The following KCNH1 variants were observed in gnomAD, a reference collection of about 807,000 sequenced individuals.
KCNH1 encodes voltage-gated delayed rectifier potassium channel KCNH1.
Under a neutral mutation model 69.2 loss-of-function variants are expected in KCNH1, and 27 were observed. The observed-to-expected ratio is 0.39, with a 90% confidence interval of 0.29 to 0.54. The LOEUF is 0.54. Among genes scored for constraint, KCNH1 ranks in the 20% least tolerant of loss-of-function variants. The pLI, the probability that KCNH1 is intolerant of heterozygous loss-of-function variation, is 0.68. For synonymous variants in KCNH1, 456 were observed against 487.7 expected (o/e 0.93, Z 0.86); for missense variants, 798 against 1,261.6 (o/e 0.63, Z 5.57).
intron 7 of KCNH1, among the ~76,000 whole-genome samples, chr1:210,914,510 G>T (rs529629153): frequency 6.6e-6 from 1 of 152,114 alleles, no homozygotes; most frequent in Admixed American, 6.5e-5. Context: ...AAAAGATACT[G>T]CTGGGCTGCA....
chr1:210,960,276 G>C (rs1433048512), intron 6 of KCNH1, among the ~76,000 whole-genome samples: 1 of 151,988 alleles, frequency 6.6e-6, no homozygotes, highest in Non-Finnish European at 1.5e-5. Context: ...ATAAATTTTA[G>C]GTTTCCATTT....
chr1:210,683,875 C>T lies in KCNH1; in HGVS notation c.2376G>A (p.Glu792=), dbSNP rs775189127. Residue 792 remains glutamate (E), a synonymous_variant, in exon 11 of 11, where the codon GAG becomes GAA. Transcript: ENST00000271751. This position sits in a 1 kb window ranked among gnomAD's most constrained non-coding sequence, Gnocchi z 5.7. ...GGAAGGATACGGGCGTGGCAGGACT[C>T]TCACGCACGGTGACCACGCTGGCCT... The part of the protein sequence containing the change: ...LVKASVVTVR[E]SPATPVSFQA... 3.1e-6 allele frequency: 5 copies of T among 1,614,146 alleles called. No homozygotes were observed. The South Asian group carries it at 3.3e-5, about 11-fold the overall frequency.
chr1:210,703,030 T>G (rs1458825314), intron 10 of KCNH1, among the ~76,000 whole-genome samples: 1 of 152,146 alleles, frequency 6.6e-6, no homozygotes, highest in African/African-American at 2.4e-5. Flanking sequence ...GTGGCTAATC[T>G]CCCACATTTA....
intron 6 of KCNH1, among the ~76,000 whole-genome samples, chr1:210,966,024 A>C (rs1688393122): frequency 6.6e-6 from 1 of 152,236 alleles, no homozygotes; most frequent in South Asian, 2.1e-4. Flanking sequence ...TGGTACTGGT[A>C]CCAAAACAGA....
chr1:210,866,447 G>T (rs1295552063), intron 7 of KCNH1, among the ~76,000 whole-genome samples: 1 of 152,000 alleles, frequency 6.6e-6, no homozygotes, highest in Non-Finnish European at 1.5e-5. Flanking sequence ...TTAAAAATAG[G>T]CAAAGAATCT....
chr1:210,747,935 A>G (rs1323517072), intron 10 of KCNH1, among the ~76,000 whole-genome samples: 4 of 152,262 alleles, frequency 2.6e-5, no homozygotes, highest in Admixed American at 2.6e-4. Flanking sequence ...ATCCTTTGAC[A>G]GGGAACAAAT....
At chr1:210,965,014 T>C (rs1447341731) in intron 6 of KCNH1, among the ~76,000 whole-genome samples, 2 of 152,146 alleles carry the variant, frequency 1.3e-5, no homozygotes, top group African/African-American at 2.4e-5. Flanking sequence ...ATTATCTCAA[T>C]AGATGCAGAA....
chr1:211,064,335 T>C (rs1571618357), intron 5 of KCNH1, among the ~76,000 whole-genome samples: 1 of 152,090 alleles, frequency 6.6e-6, no homozygotes, highest in Non-Finnish European at 1.5e-5. Flanking sequence ...CCAAGGCGGG[T>C]GGATCACGAG....
intron 10 of KCNH1, among the ~76,000 whole-genome samples, chr1:210,714,087 A>G (rs540490455): frequency 6.6e-6 from 1 of 152,268 alleles, no homozygotes; most frequent in South Asian, 2.1e-4. Flanking sequence ...TGAAGAAGAG[A>G]AGAGGTCTTC....
At chr1:211,118,437 G>A (rs992584432) in intron 1 of KCNH1, among the ~76,000 whole-genome samples, 4 of 152,144 alleles carry the variant, frequency 2.6e-5, no homozygotes, top group Non-Finnish European at 5.9e-5. Context: ...AAGTTCCCCT[G>A]CGTCCCAAGT....
chr1:210,967,532 C>T (rs1236508015), intron 6 of KCNH1, among the ~76,000 whole-genome samples: 1 of 151,936 alleles, frequency 6.6e-6, no homozygotes, highest in East Asian at 1.9e-4. Flanking sequence ...ATCAAATATC[C>T]CAGAACCAGT....
At chr1:210,883,105 A>G (rs1686530921) in intron 7 of KCNH1, among the ~76,000 whole-genome samples, 1 of 152,200 alleles carries the variant, frequency 6.6e-6, no homozygotes, top group African/African-American at 2.4e-5. Flanking sequence ...GACCAGAGAC[A>G]AGTGCTAGGT....
At chr1:210,983,152 T>A (rs1688748355) in intron 6 of KCNH1, among the ~76,000 whole-genome samples, 1 of 152,190 alleles carries the variant, frequency 6.6e-6, no homozygotes, top group African/African-American at 2.4e-5. Context: ...TTGAGTTCAC[T>A]GTAGATTCTG....
intron 10 of KCNH1, among the ~76,000 whole-genome samples, chr1:210,691,489 G>A (rs916668253): frequency 1.3e-5 from 2 of 152,222 alleles, no homozygotes; most frequent in African/African-American, 4.8e-5. Context: ...AAGCTGTGGA[G>A]CCGTGAGCCA....
intron 5 of KCNH1, among the ~76,000 whole-genome samples, chr1:211,049,468 CAT>C (rs1227217925): frequency 6.6e-6 from 1 of 152,094 alleles, no homozygotes; most frequent in African/African-American, 2.4e-5. Context: ...GTGGCTGAAA[CAT>C]AGGGGGTTTT....
chr1:211,027,527 C>T (rs1347336352), intron 5 of KCNH1, among the ~76,000 whole-genome samples: 1 of 151,262 alleles, frequency 6.6e-6, no homozygotes, highest in African/African-American at 2.4e-5. Context: ...ATGGTTGAGC[C>T]CAGGCGGTTG....
chr1:210,797,241 T>G (rs1684333357), intron 9 of KCNH1, among the ~76,000 whole-genome samples: 1 of 152,248 alleles, frequency 6.6e-6, no homozygotes, highest in Admixed American at 6.5e-5. Flanking sequence ...TGCAAATGTC[T>G]GCTTATTTGT....
intron 6 of KCNH1, among the ~76,000 whole-genome samples, chr1:210,962,252 T>A (rs1688308509): frequency 6.6e-6 from 1 of 152,218 alleles, no homozygotes; most frequent in African/African-American, 2.4e-5. Context: ...AAGGCTCAGA[T>A]TGTTTTTCAG....
At chr1:210,724,615 G>A (rs1158493770) in intron 10 of KCNH1, among the ~76,000 whole-genome samples, 1 of 152,172 alleles carries the variant, frequency 6.6e-6, no homozygotes, top group Non-Finnish European at 1.5e-5. Context: ...TACAGCAGAA[G>A]GCATGGGCTT....
Sources: allele counts gnomAD v4.1 joint callset (sites outside exome capture counted in the v4.1 genomes callset), GRCh38; gene constraint gnomAD v4.1.1; non-coding constraint Gnocchi (gnomAD v3.1); transcripts MANE v1.5; gene names NCBI Gene and HGNC (gene_info 2026-07-23, HGNC 2026-07-21).